Variants in SND1 observed in about 807,000 individuals in gnomAD.
SND1 encodes the protein staphylococcal nuclease and tudor domain containing 1.
A neutral mutation model predicts 121.7 loss-of-function variants in SND1; 38 were observed. The observed-to-expected ratio is 0.31, with a 90% CI of 0.24 to 0.41. The LOEUF (loss-of-function observed/expected upper bound fraction) is 0.41. SND1 is among the 10% of genes least tolerant of loss of function. SND1 has a pLI of 1.00. For synonymous variants in SND1, 401 were observed against 447.4 expected, an observed-to-expected ratio of 0.90 and a Z score of 1.31; for missense variants, 868 against 1,184.6, an observed-to-expected ratio of 0.73 and a Z score of 3.92.
chr7:127,745,486 A>G (rs1796965762), intron 10 of SND1, among the ~76,000 whole-genome samples: 1 of 152,186 alleles, frequency 6.6e-6, no homozygotes, highest in Non-Finnish European at 1.5e-5. Flanking sequence ...TGTTTTGTAA[A>G]CAGCTTTAAG....
At chr7:127,708,391 T>TTCCCTTCC (rs1424914084) in intron 9 of SND1, among the ~76,000 whole-genome samples, 1 of 137,178 alleles carries the variant, frequency 7.3e-6, no homozygotes. Flanking sequence ...TCCTTCCTTC[T>TTCCCTTCC]TCCCTTCCTC....
intron 1 of SND1, among the ~76,000 whole-genome samples, chr7:127,654,910 C>T (rs1298349124): frequency 2.0e-5 from 3 of 152,160 alleles, no homozygotes; most frequent in Admixed American, 1.3e-4. Flanking sequence ...TTCTGCTAAG[C>T]AAAGTTGTAT....
chr7:128,056,031 C>T (rs1395018902), intron 16 of SND1, among the ~76,000 whole-genome samples: 1 of 152,244 alleles, frequency 6.6e-6, no homozygotes, highest in Non-Finnish European at 1.5e-5. Flanking sequence ...TCTAAGCCTC[C>T]ATTTTTTTAT....
At chr7:127,840,386 T>C (rs1798942178) in intron 11 of SND1, among the ~76,000 whole-genome samples, 1 of 152,198 alleles carries the variant, frequency 6.6e-6, no homozygotes, top group South Asian at 2.1e-4. Context: ...CCCAGGGCTC[T>C]TTGTGGTCAC....
intron 16 of SND1, chr7:128,028,906 T>G: frequency 1.9e-6 from 3 of 1,613,498 alleles, no homozygotes; most frequent in Admixed American, 3.3e-5. Context: ...GCTGCGGATG[T>G]TGCTGCTGGG....
chr7:128,059,132 C>T (rs930320501), intron 16 of SND1, among the ~76,000 whole-genome samples: 3 of 152,194 alleles, frequency 2.0e-5, no homozygotes, highest in Admixed American at 6.5e-5. Flanking sequence ...TAGACATTCC[C>T]TATGCTGGAA....
chr7:127,924,639 G>A (rs989437103), intron 14 of SND1, among the ~76,000 whole-genome samples: 1 of 152,054 alleles, frequency 6.6e-6, no homozygotes, highest in Non-Finnish European at 1.5e-5. Context: ...GGCTGTCTGG[G>A]GTGGTGGTCT....
intron 10 of SND1, among the ~76,000 whole-genome samples, chr7:127,787,125 A>G (rs1199363021): frequency 1.3e-5 from 2 of 152,068 alleles, no homozygotes; most frequent in African/African-American, 4.8e-5. Context: ...TTGTGAGGGA[A>G]CCTCTGGTAC....
intron 15 of SND1, among the ~76,000 whole-genome samples, chr7:127,939,982 G>T (rs1454608867): frequency 2.0e-5 from 3 of 152,190 alleles, no homozygotes; most frequent in African/African-American, 7.2e-5. Flanking sequence ...GATAGAAAAT[G>T]AGGCCTGTCC....
In SND1 at chr7:127,891,378, G is replaced by A. The variant is rs73465848; in HGVS notation, c.1454+3366G>A. Reference sequence around the variant, plus strand: ...CAAGACCACTTATGTCCTGACACTGGCTTATTTGAGTTTGCCTTTAGTTTG... The same window carrying A: ...CAAGACCACTTATGTCCTGACACTGACTTATTTGAGTTTGCCTTTAGTTTG... On this transcript the variant is annotated intron_variant, in intron 13 of 23. Transcript: ENST00000354725. Among the ~76,000 whole-genome samples the A allele has an allele frequency of 3.3e-3, 496 of 152,066 alleles. 2 individuals carry two copies. The highest frequency in any genetic ancestry group is 0.011 in the African/African-American group (437 of 41,500).
chr7:128,006,797 C>T (rs766699429), intron 16 of SND1, among the ~76,000 whole-genome samples: 96 of 152,184 alleles, frequency 6.3e-4, no homozygotes, highest in Non-Finnish European at 9.3e-4. Flanking sequence ...TGGAGGGCTA[C>T]CTGGAAGAGA....
At chr7:127,993,477 C>A (rs779065963) in intron 16 of SND1, among the ~76,000 whole-genome samples, 1 of 152,232 alleles carries the variant, frequency 6.6e-6, no homozygotes, top group African/African-American at 2.4e-5. Flanking sequence ...TGTGGGCCCA[C>A]GACCTCCCAC....
chr7:128,028,987 T>C, intron 16 of SND1: 1 of 1,612,238 alleles, frequency 6.2e-7, no homozygotes, highest in Non-Finnish European at 8.5e-7. Flanking sequence ...TGGTGCCGCT[T>C]ACGAAGTTTA....
In SND1 at chr7:127,961,099, AGT is replaced by A. The variant is rs1801720057; in HGVS notation, c.1670-29845_1670-29844del. ...TAAATACAGCCCTATCATTTTGGACAGTGTAAATTCACTCGTATGTGGGTCCA... is the reference window on the plus strand; with the variant it reads ...TAAATACAGCCCTATCATTTTGGACAGTAAATTCACTCGTATGTGGGTCCA... On this transcript the variant is annotated intron_variant, in intron 15 of 23. Coordinates refer to ENST00000354725, the MANE Select transcript of SND1 (RefSeq NM_014390.4). 3.9e-5 allele frequency among the ~76,000 whole-genome samples: 6 copies of A among 152,336 alleles called. No individual in the cohort carries two copies. In the South Asian group the frequency reaches 1.2e-3, roughly 32 times the overall value.
chr7:127,683,338 C>T (rs1795759812), intron 1 of SND1, among the ~76,000 whole-genome samples: 1 of 152,142 alleles, frequency 6.6e-6, no homozygotes, highest in Non-Finnish European at 1.5e-5. Flanking sequence ...ACCTCAGCCT[C>T]CCAAGTAGCT....
intron 10 of SND1, among the ~76,000 whole-genome samples, chr7:127,729,439 CTTTTTTTTT>C (rs10712716): frequency 1.0e-5 from 1 of 97,360 alleles, no homozygotes; most frequent in Non-Finnish European, 2.1e-5. Context: ...AGATAAATTA[CTTTTTTTTT>C]TTTTTTTTTT....
chr7:127,702,011 A>C (rs1193163660), intron 5 of SND1, among the ~76,000 whole-genome samples: 1 of 152,198 alleles, frequency 6.6e-6, no homozygotes, highest in Non-Finnish European at 1.5e-5. Context: ...ATGGATATAG[A>C]GGGCTGACTG....
At chr7:128,077,016 G>A (rs982557410) in intron 17 of SND1, among the ~76,000 whole-genome samples, 1 of 152,176 alleles carries the variant, frequency 6.6e-6, no homozygotes, top group Non-Finnish European at 1.5e-5. Context: ...GGACCAAGGA[G>A]GGAACCACAG....
chr7:128,031,949 G>A (rs1451185549), intron 16 of SND1: 1 of 150,880 alleles, frequency 6.6e-6, no homozygotes, highest in Non-Finnish European at 1.5e-5. Flanking sequence ...CCGGAGCCCA[G>A]GAACATAGTC....
Sources: gnomAD v4.1 joint callset for allele counts (sites outside exome capture counted in the v4.1 genomes callset) on GRCh38, gnomAD v4.1.1 for gene constraint, MANE v1.5 for transcripts, NCBI Gene and HGNC (gene_info 2026-07-23, HGNC 2026-07-21) for gene names.